GLRB: variants seen among roughly 807,000 people sequenced by gnomAD.
GLRB encodes glycine receptor subunit beta.
In GLRB, 33 loss-of-function variants were observed where a neutral mutation model predicts 54.2. The observed-to-expected ratio is 0.61, with a 90% confidence interval of 0.46 to 0.81. The LOEUF is 0.81. Ranked by LOEUF, GLRB falls within the 40% of genes least tolerant of loss-of-function variation. The probability of loss-of-function intolerance (pLI) is 0.00; values close to 1 mark genes in which losing one functional copy is unlikely to be tolerated. For missense variants in GLRB, 572 were observed against 584.6 expected (o/e 0.98, Z 0.22); for synonymous variants, 209 against 208.2 (o/e 1.00, Z -0.03).
intron 2 of GLRB, among the ~76,000 whole-genome samples, chr4:157,096,052 G>T (rs1734798394): frequency 6.6e-6 from 1 of 152,166 alleles, no homozygotes; most frequent in African/African-American, 2.4e-5. Context: ...GGAGTGGCCA[G>T]TTGGAGAAAA....
intron 2 of GLRB, among the ~76,000 whole-genome samples, chr4:157,114,934 T>C (rs1015035185): frequency 6.6e-6 from 1 of 151,698 alleles, no homozygotes; most frequent in South Asian, 2.1e-4. Flanking sequence ...AGTTACTCTT[T>C]CCGCACCCCC....
At chr4:157,168,092 C>G (rs560900491) in intron 9 of GLRB, among the ~76,000 whole-genome samples, 2 of 150,250 alleles carry the variant, frequency 1.3e-5, no homozygotes, top group African/African-American at 5.0e-5. Context: ...AGACAAATAT[C>G]CAAACCACAT....
intron 2 of GLRB, among the ~76,000 whole-genome samples, chr4:157,081,960 C>T (rs1446812094): frequency 6.6e-6 from 1 of 152,198 alleles, no homozygotes; most frequent in Non-Finnish European, 1.5e-5. Flanking sequence ...CTGCCTCTGC[C>T]TAAGCCTCAC....
intron 2 of GLRB, among the ~76,000 whole-genome samples, chr4:157,100,642 A>C (rs376520768): frequency 1.8e-4 from 28 of 152,176 alleles, no homozygotes; most frequent in African/African-American, 6.8e-4. Context: ...TCACTGACAT[A>C]GTATGGACTC....
chr4:157,097,146 G>A (rs1356850638), intron 2 of GLRB, among the ~76,000 whole-genome samples: 1 of 152,136 alleles, frequency 6.6e-6, no homozygotes, highest in African/African-American at 2.4e-5. Context: ...AAGAAATCGA[G>A]ATATTGTGTG....
At chr4:157,135,052 C>A (rs1208408961) in intron 4 of GLRB, among the ~76,000 whole-genome samples, 3 of 151,850 alleles carry the variant, frequency 2.0e-5, no homozygotes, top group Non-Finnish European at 4.4e-5. Flanking sequence ...TGGTAAATAC[C>A]TATATAATGG....
intron 9 of GLRB, among the ~76,000 whole-genome samples, chr4:157,168,535 T>C (rs1210143460): frequency 6.6e-6 from 1 of 152,156 alleles, no homozygotes; most frequent in African/African-American, 2.4e-5. Flanking sequence ...CAAAGTCCTA[T>C]TGAACAAGGA....
intron 2 of GLRB, among the ~76,000 whole-genome samples, chr4:157,118,949 T>C (rs1173957093): frequency 6.6e-6 from 1 of 151,472 alleles, no homozygotes; most frequent in Non-Finnish European, 1.5e-5. Context: ...GTGTAGGTAA[T>C]GGGAAAAATT....
At chr4:157,162,224 C>G (rs934890603) in intron 9 of GLRB, among the ~76,000 whole-genome samples, 1 of 152,078 alleles carries the variant, frequency 6.6e-6, no homozygotes, top group Admixed American at 6.5e-5. Context: ...TTTCAGTTAA[C>G]CATTCATCTC....
chr4:157,148,187 CTTT>C (rs1736888492), intron 8 of GLRB, among the ~76,000 whole-genome samples: 1 of 152,078 alleles, frequency 6.6e-6, no homozygotes, highest in South Asian at 2.1e-4. Flanking sequence ...GTAGTACTCC[CTTT>C]TCCTTTTAAT....
intron 4 of GLRB, among the ~76,000 whole-genome samples, chr4:157,123,478 G>A (rs987201903): frequency 1.3e-5 from 2 of 151,662 alleles, no homozygotes; most frequent in African/African-American, 4.8e-5. Context: ...ATATATTTAA[G>A]CTGGGTAATG....
intron 2 of GLRB, among the ~76,000 whole-genome samples, chr4:157,102,202 CAAG>C (rs1344548665): frequency 1.3e-5 from 2 of 152,076 alleles, no homozygotes; most frequent in South Asian, 4.2e-4. Context: ...TTTATTATGG[CAAG>C]AACACTTAAT....
At chr4:157,144,022 T>A in intron 8 of GLRB, 63 bp downstream of exon 8, 1 of 1,437,528 alleles carries the variant, frequency 7.0e-7, no homozygotes, top group Non-Finnish European at 9.8e-7. Context: ...TAACTTACCA[T>A]ATAATCAACT....
At chr4:157,119,791 TA>T (rs1384526590) in intron 2 of GLRB, among the ~76,000 whole-genome samples, 1 of 151,720 alleles carries the variant, frequency 6.6e-6, no homozygotes, top group African/African-American at 2.4e-5. Context: ...TGGGGGACTG[TA>T]AACTAGTTCA....
chr4:157,129,408 T>A (rs1736131084), intron 4 of GLRB, among the ~76,000 whole-genome samples: 1 of 151,820 alleles, frequency 6.6e-6, no homozygotes, highest in South Asian at 2.1e-4. Context: ...TAGTAATTAT[T>A]TGAAAATACT....
rs11932115 is a variant in GLRB, at chr4:157,120,439, G to A, written c.123-117G>A. The A allele has an allele frequency of 0.35, 137,307 of 387,354 alleles. 28,035 individuals are homozygous for A. The highest frequency in any genetic ancestry group is 0.68 in the African/African-American group (31,565 of 46,206). The allele number at this position is 387,354 out of a possible 1,614,324, so 24.0% of individuals were successfully genotyped here. On this transcript the variant is annotated intron_variant, in intron 2 of 9. Coordinates refer to ENST00000264428, the MANE Select transcript of GLRB (RefSeq NM_000824.5). ...AAATAAATAAAAAAAAGAAGAAAAA[G>A]CCATACTATAGTTGTGGATTTGTCT...
At chr4:157,119,252 A>G (rs1579213630) in intron 2 of GLRB, among the ~76,000 whole-genome samples, 1 of 151,656 alleles carries the variant, frequency 6.6e-6, no homozygotes, top group Admixed American at 6.6e-5. Context: ...AAAGTATTTT[A>G]CCAATTCCCT....
At chr4:157,093,601 A>G (rs1734695561) in intron 2 of GLRB, among the ~76,000 whole-genome samples, 1 of 151,932 alleles carries the variant, frequency 6.6e-6, no homozygotes, top group Non-Finnish European at 1.5e-5. Context: ...CTAAAAATAC[A>G]AAAATCAGCT....
At chr4:157,160,903 C>T (rs1008290094) in intron 9 of GLRB, among the ~76,000 whole-genome samples, 49 of 152,040 alleles carry the variant, frequency 3.2e-4, no homozygotes, top group Admixed American at 2.0e-3. Context: ...CTTTCTGTGT[C>T]GTTGATCTGT....
Sources: allele counts gnomAD v4.1 joint callset (sites outside exome capture counted in the v4.1 genomes callset), GRCh38; gene constraint gnomAD v4.1.1; transcripts MANE v1.5; gene names NCBI Gene and HGNC (gene_info 2026-07-23, HGNC 2026-07-21).